CD300E: variants seen among roughly 807,000 people sequenced by gnomAD.
CD300E encodes CD300e molecule, also known as CMRF35-like molecule 2.
Under a neutral mutation model 20.9 loss-of-function variants are expected in CD300E, and 14 were observed. The observed-to-expected ratio is 0.67, with a 90% CI of 0.44 to 1.05. CD300E has a LOEUF of 1.05. Among genes scored for constraint, CD300E ranks in the 50% least tolerant of loss-of-function variants. CD300E has a pLI of 0.00. For missense variants in CD300E, 237 were observed against 253.9 expected (o/e 0.93, Z 0.45); for synonymous variants, 102 against 103.7 (o/e 0.98, Z 0.10).
chr17:74,623,514 G>A, intron 1 of CD300E, 68 bp downstream of exon 1: 1 of 1,524,216 alleles, frequency 6.6e-7, no homozygotes, highest in Non-Finnish European at 9.0e-7. Context: ...TTTGAACCCA[G>A]GACAGCTCTT....
At position 74,620,113 on chromosome 17, in the gene CD300E, C is replaced by T. The variant is rs181699099; in HGVS notation, c.41-2648G>A. ...CAGCACTTTGGGAGGCCGAGGCAGG[C>T]GGATCACAAGGTCAAGAGATCGAGA... On this transcript the variant is annotated intron_variant, in intron 1 of 3. Coordinates refer to ENST00000392619, the MANE Select transcript of CD300E (RefSeq NM_181449.3). 4.6e-5 allele frequency among the ~76,000 whole-genome samples: 7 copies of T among 152,266 alleles called. No homozygotes were observed. In the East Asian group the frequency reaches 1.2e-3, roughly 25 times the overall value.
At chr17:74,618,970 G>A (rs1296616022) in intron 1 of CD300E, 18 of 422,846 alleles carry the variant, frequency 4.3e-5, no homozygotes, top group South Asian at 3.0e-4. Flanking sequence ...AACCTTCCTC[G>A]CTCTGGATGC....
chr17:74,612,689 C>T lies in CD300E; in HGVS notation c.582G>A (p.Trp194Ter). The change falls in exon 4 of 4, where the codon TGG becomes TGA. Residue 194 changes from tryptophan (W) to a stop codon, truncating the protein, a stop_gained. Transcript: ENST00000392619. LOFTEE classifies it low-confidence loss of function (END_TRUNC). The stretch of plus-strand genomic sequence containing the variant: ...GAGGAGCCCACTGAGGCCTGTTCAC[C>T]CAGAAGACAGCACCCAGCATGCTCA... ...LLLSMLGAVFWVNRPQWAPPG... is the reference protein window; with the variant it reads ...LLLSMLGAVF The T allele has an allele frequency of 6.2e-7, 1 of 1,613,884 alleles. No individual in the cohort carries two copies.
chr17:74,620,910 G>T (rs1006789521), intron 1 of CD300E, among the ~76,000 whole-genome samples: 1 of 152,050 alleles, frequency 6.6e-6, no homozygotes, highest in Non-Finnish European at 1.5e-5. Context: ...AGGTGTGGTG[G>T]CATACGCCTG....
At chr17:74,614,158 A>G in intron 2 of CD300E, 125 bp from the exon 3 acceptor site, 1 of 763,636 alleles carries the variant, frequency 1.3e-6, no homozygotes. Flanking sequence ...CTGAAGCCAG[A>G]TCCAGGGCAC....
chr17:74,614,112 G>T, intron 2 of CD300E, 79 bp from the exon 3 acceptor site: 1 of 1,097,990 alleles, frequency 9.1e-7, no homozygotes, highest in Non-Finnish European at 1.4e-6. Flanking sequence ...ATGTCATACA[G>T]AATCACCCAC....
chr17:74,617,791 C>T (rs928870593), intron 1 of CD300E, among the ~76,000 whole-genome samples: 1 of 152,218 alleles, frequency 6.6e-6, no homozygotes, highest in Admixed American at 6.5e-5. Flanking sequence ...TGGTCATATA[C>T]AAGATCACTT....
chr17:74,613,073 A>G (rs369030795), intron 3 of CD300E, among the ~76,000 whole-genome samples: 2 of 152,138 alleles, frequency 1.3e-5, no homozygotes, highest in Non-Finnish European at 1.5e-5. Context: ...CCTCCACTTT[A>G]TCAACTGACT....
chr17:74,612,959 C>A (rs1186263584), intron 3 of CD300E, among the ~76,000 whole-genome samples, 186 bp from the exon 4 acceptor site: 1 of 152,192 alleles, frequency 6.6e-6, no homozygotes, highest in East Asian at 1.9e-4. Context: ...CAAGGACTGC[C>A]CGGGGGGTCT....
At chr17:74,614,272 A>T (rs1027076185) in intron 2 of CD300E, among the ~76,000 whole-genome samples, 1 of 150,402 alleles carries the variant, frequency 6.6e-6, no homozygotes, top group East Asian at 2.0e-4. Flanking sequence ...TCAGAGAAAG[A>T]CTCTTACCAC....
chr17:74,623,542 C>G (rs749736465), intron 1 of CD300E, 40 bp downstream of exon 1: 30 of 1,610,660 alleles, frequency 1.9e-5, no homozygotes, highest in Non-Finnish European at 2.5e-5. Context: ...CTGTCCTGCC[C>G]CCTGCAAAAC....
At chr17:74,617,683 G>A (rs1163414712) in intron 1 of CD300E, among the ~76,000 whole-genome samples, 1 of 152,126 alleles carries the variant, frequency 6.6e-6, no homozygotes, top group Non-Finnish European at 1.5e-5. Context: ...CAGCACAGGG[G>A]CCCCAGCACC....
chr17:74,610,794 G>A lies in CD300E; in HGVS notation c.*1859C>T, dbSNP rs775995971. On this transcript the variant is annotated 3_prime_UTR_variant, in exon 4 of 4. Coordinates refer to ENST00000392619, the MANE Select transcript of CD300E (RefSeq NM_181449.3). Reference sequence around the variant, plus strand: ...TGGAATCTTAGACACATCCTACCATGAGCATCTGTATGTGAACAGTACAGT... The same window carrying A: ...TGGAATCTTAGACACATCCTACCATAAGCATCTGTATGTGAACAGTACAGT... 5.9e-5 allele frequency: 9 copies of A among 152,224 alleles called. No individual in the cohort carries two copies. Among genetic ancestry groups the A allele is most frequent in the Non-Finnish European group, 1.3e-4 (9 of 68,040 alleles). 9.4% of individuals were successfully genotyped at this position (152,224 alleles called of 1,614,324 possible).
At chr17:74,616,611 C>T (rs773042668) in intron 2 of CD300E, among the ~76,000 whole-genome samples, 3 of 151,980 alleles carry the variant, frequency 2.0e-5, no homozygotes, top group African/African-American at 7.3e-5. Flanking sequence ...AGTCATAGGG[C>T]GGAAGTTGTG....
intron 2 of CD300E, 130 bp downstream of exon 2, chr17:74,616,988 G>A: frequency 2.5e-6 from 2 of 794,232 alleles, no homozygotes; most frequent in Non-Finnish European, 4.2e-6. Flanking sequence ...CCATGCCATA[G>A]GCTCCTCCCA....
chr17:74,617,423 G>A lies in CD300E; in HGVS notation c.83C>T (p.Ala28Val), dbSNP rs139411937. 85 of 1,613,830 alleles carry A rather than the reference G, an allele frequency of 5.3e-5. No homozygotes were observed. The highest frequency in any genetic ancestry group is 5.9e-5 in the Non-Finnish European group (70 of 1,180,002). ...ACACCACACTGTCAGAGAGTCCCCC[G>A]CAGTGCCAGTCACAGAGCCGGGGCC... ...LKGPGSVTGT[A>V]GDSLTVWCQY... is the part of the protein sequence containing the mutation. Residue 28 changes from alanine to valine, a missense_variant, in exon 2 of 4, where the codon GCG becomes GTG. Physicochemically the swap from Ala to Val is moderately conservative, Grantham distance 64 (BLOSUM62 0). Transcript: ENST00000392619.
intron 3 of CD300E, 45 bp from the exon 4 acceptor site, chr17:74,612,818 C>A (rs780729449): frequency 6.2e-7 from 1 of 1,607,198 alleles, no homozygotes; most frequent in South Asian, 1.1e-5. Flanking sequence ...CGGGAGAACC[C>A]CCAGGACCCT....
At chr17:74,616,916 C>T (rs535129561) in intron 2 of CD300E, among the ~76,000 whole-genome samples, 6 of 152,226 alleles carry the variant, frequency 3.9e-5, no homozygotes, top group East Asian at 1.9e-4. Context: ...GGAGTGATGG[C>T]GCCTGAGCTG....
chr17:74,615,774 T>G (rs1433022704), intron 2 of CD300E, among the ~76,000 whole-genome samples: 2 of 152,054 alleles, frequency 1.3e-5, no homozygotes, highest in African/African-American at 4.8e-5. Flanking sequence ...ATATGGGAGT[T>G]ATGAGTGCTG....
Sources: gnomAD v4.1 joint callset for allele counts (sites outside exome capture counted in the v4.1 genomes callset) on GRCh38, gnomAD v4.1.1 for gene constraint, MANE v1.5 for transcripts, NCBI Gene and HGNC (gene_info 2026-07-23, HGNC 2026-07-21) for gene names.